PPP6R3: variants seen among roughly 807,000 people sequenced by gnomAD.
PPP6R3 encodes serine/threonine-protein phosphatase 6 regulatory subunit 3.
PPP6R3 carries 38 observed loss-of-function variants against 110.7 expected under a neutral mutation model. That is an observed-to-expected ratio of 0.34 (90% CI 0.26 to 0.45). The LOEUF (loss-of-function observed/expected upper bound fraction) is 0.45. Among genes scored for constraint, PPP6R3 ranks in the 20% least tolerant of loss-of-function variants. The pLI is 1.00. For synonymous variants in PPP6R3, 369 were observed against 373.5 expected (o/e 0.99, Z 0.14); for missense variants, 870 against 1,062.4 (o/e 0.82, Z 2.52).
chr11:68,570,263 G>A (rs1466177295), intron 11 of PPP6R3, among the ~76,000 whole-genome samples: 2 of 152,204 alleles, frequency 1.3e-5, no homozygotes, highest in East Asian at 1.9e-4. Flanking sequence ...TGCTGAATAC[G>A]TGACTGAAAG....
Position 68,613,758 on chromosome 11 carries a change from G to GTAT in PPP6R3, c.*643_*645dup, listed in dbSNP as rs1944582912. 1 of 831,866 alleles carries GTAT rather than the reference G, an allele frequency of 1.2e-6. No homozygotes were observed. 51.5% of individuals were successfully genotyped at this position (831,866 alleles called of 1,614,324 possible). ...AGTCTATTGGTAGAGATTAAGTAAA[G>GTAT]TATTTATTGCTACATCATAGTTGAT... On this transcript the variant is annotated 3_prime_UTR_variant, in exon 24 of 24. Coordinates refer to ENST00000393800, the MANE Select transcript of PPP6R3 (RefSeq NM_001164161.2).
intron 2 of PPP6R3, among the ~76,000 whole-genome samples, chr11:68,528,773 A>G (rs1465487572): frequency 6.6e-6 from 1 of 152,218 alleles, no homozygotes; most frequent in Admixed American, 6.5e-5. Context: ...GCCTGGAAGC[A>G]GTCACCAGAC....
At chr11:68,527,427 T>G (rs1228818668) in intron 2 of PPP6R3, among the ~76,000 whole-genome samples, 2 of 152,178 alleles carry the variant, frequency 1.3e-5, no homozygotes, top group Non-Finnish European at 2.9e-5. Flanking sequence ...GTGCCCCACC[T>G]CAGGCGTCTT....
At chr11:68,499,773 A>G (rs939220987) in intron 1 of PPP6R3, among the ~76,000 whole-genome samples, 6 of 151,932 alleles carry the variant, frequency 3.9e-5, no homozygotes, top group African/African-American at 1.2e-4. Flanking sequence ...GAGTTTTGCC[A>G]TGTTTCCCAG....
chr11:68,578,727 A>G (rs1275687994), intron 14 of PPP6R3, among the ~76,000 whole-genome samples: 1 of 152,210 alleles, frequency 6.6e-6, no homozygotes, highest in Non-Finnish European at 1.5e-5. Context: ...TCACTTCTGT[A>G]ACATTTTAGT....
At chr11:68,568,302 C>G (rs1490859005) in intron 10 of PPP6R3, among the ~76,000 whole-genome samples, 1 of 152,142 alleles carries the variant, frequency 6.6e-6, no homozygotes, top group Non-Finnish European at 1.5e-5. Context: ...GATCACTGGT[C>G]TTTAATTTTA....
chr11:68,504,920 A>G (rs2099067855), intron 1 of PPP6R3, among the ~76,000 whole-genome samples: 1 of 152,224 alleles, frequency 6.6e-6, no homozygotes, highest in African/African-American at 2.4e-5. Flanking sequence ...CTAGCAGAGC[A>G]CATTGACATT....
At chr11:68,522,168 C>T (rs1057003391) in intron 2 of PPP6R3, among the ~76,000 whole-genome samples, 2 of 152,188 alleles carry the variant, frequency 1.3e-5, no homozygotes, top group Non-Finnish European at 2.9e-5. Flanking sequence ...ATAGTTTAGG[C>T]GATAGCTCCT....
chr11:68,505,360 C>T (rs895283222), intron 1 of PPP6R3: 2 of 152,204 alleles, frequency 1.3e-5, no homozygotes, highest in African/African-American at 2.4e-5. Context: ...TGGACACAAT[C>T]GAGTTGAACT....
rs1280820309 is a variant in PPP6R3 at position 68,474,988 on chromosome 11, C to T, written c.-158+14161C>T. On this transcript the variant is annotated intron_variant, in intron 1 of 23. Coordinates refer to ENST00000393800, the MANE Select transcript of PPP6R3 (RefSeq NM_001164161.2). ...AGGGGGATTTGGCAGGGTCACAGGA[C>T]AACAGTGGAGGGAAGGTCAACATAC... Among the ~76,000 whole-genome samples the T allele has an allele frequency of 4.0e-5, 6 of 151,842 alleles. No homozygotes were observed. In the Middle Eastern group the frequency reaches 0.017, roughly 430 times the overall value.
chr11:68,591,063 C>A (rs1461240721), intron 17 of PPP6R3, among the ~76,000 whole-genome samples: 1 of 152,104 alleles, frequency 6.6e-6, no homozygotes, highest in African/African-American at 2.4e-5. Context: ...CCCCTCGTTA[C>A]TAGGCATTTC....
chr11:68,614,447 G>A lies in PPP6R3; in HGVS notation c.*1330G>A, dbSNP rs963958117. 3.4e-5 allele frequency: 45 copies of A among 1,339,376 alleles called. No individual in the cohort carries two copies. The highest frequency in any genetic ancestry group is 1.2e-4 in the East Asian group (4 of 32,222). The allele number at this position is 1,339,376 out of a possible 1,614,324, so 83.0% of individuals were successfully genotyped here. On this transcript the variant is annotated 3_prime_UTR_variant, in exon 24 of 24. Transcript: ENST00000393800. ...ATTTCTGTAATAGAAAATTATTCAC[G>A]TATTTTTACATCATTTGTTTTTCCT...
intron 12 of PPP6R3, among the ~76,000 whole-genome samples, chr11:68,571,412 A>G (rs192565158): frequency 6.6e-6 from 1 of 152,326 alleles, no homozygotes; most frequent in East Asian, 1.9e-4. Context: ...GTTAAAGTTA[A>G]GTCCTTGATG....
chr11:68,543,330 A>G (rs2099329192), intron 3 of PPP6R3, among the ~76,000 whole-genome samples: 1 of 151,728 alleles, frequency 6.6e-6, no homozygotes, highest in Non-Finnish European at 1.5e-5. Flanking sequence ...ATATTCTGGC[A>G]TCTTGAAGCC....
chr11:68,522,442 A>G (rs1250508540), intron 2 of PPP6R3: 2 of 152,262 alleles, frequency 1.3e-5, no homozygotes, highest in African/African-American at 2.4e-5. Context: ...GCAGATTTCT[A>G]CAGCTATCCA....
intron 2 of PPP6R3, among the ~76,000 whole-genome samples, chr11:68,526,629 G>T (rs1404889609): frequency 6.6e-6 from 1 of 152,132 alleles, no homozygotes; most frequent in Non-Finnish European, 1.5e-5. Context: ...AACCAGCTGG[G>T]TGTTCCTTGC....
At chr11:68,577,143 C>G (rs1160462124) in intron 14 of PPP6R3, among the ~76,000 whole-genome samples, 2 of 152,112 alleles carry the variant, frequency 1.3e-5, no homozygotes, top group East Asian at 3.8e-4. Flanking sequence ...CCTAATAGCC[C>G]GAGTGTCTCT....
At chr11:68,521,704 G>A (rs2099165028) in intron 2 of PPP6R3, among the ~76,000 whole-genome samples, 1 of 151,890 alleles carries the variant, frequency 6.6e-6, no homozygotes, top group Admixed American at 6.6e-5. Flanking sequence ...GGGCCAAGAG[G>A]CAAAAAAGAG....
rs1196463669 is a variant in PPP6R3, at chr11:68,564,384, C to T, written c.927C>T (p.Ile309=). The T allele has an allele frequency of 1.9e-6, 3 of 1,613,724 alleles. No individual in the cohort carries two copies. Among genetic ancestry groups the T allele is most frequent in the Non-Finnish European group, 2.5e-6 (3 of 1,179,708 alleles). ...CSVNKSVLEA[I]RGRLGSFHEL... is the part of the protein sequence containing the mutation. ...TAAACAAGAGTGTTCTAGAAGCCAT[C>T]AGAGGAAGACTTGGATCTTTTCATG... The change falls in exon 9 of 24, where the codon ATC becomes ATT. Residue 309 remains isoleucine, a synonymous_variant. Coordinates refer to ENST00000393800, the MANE Select transcript of PPP6R3 (RefSeq NM_001164161.2).
Sources: gnomAD v4.1 joint callset for allele counts (sites outside exome capture counted in the v4.1 genomes callset) on GRCh38, gnomAD v4.1.1 for gene constraint, MANE v1.5 for transcripts, NCBI Gene and HGNC (gene_info 2026-07-23, HGNC 2026-07-21) for gene names.